CXCL13: variants seen among roughly 807,000 people sequenced by gnomAD.
The protein encoded by CXCL13 is C-X-C motif chemokine 13.
In CXCL13, 7 loss-of-function variants were observed where a neutral mutation model predicts 12.2. The ratio of observed to expected loss-of-function variants is 0.57; its 90% confidence interval spans 0.33 to 1.07. The LOEUF (loss-of-function observed/expected upper bound fraction) is 1.07. Among genes scored for constraint, CXCL13 ranks in the 50% least tolerant of loss-of-function variants. The probability of loss-of-function intolerance (pLI) is 0.04; values close to 1 mark genes in which losing one functional copy is unlikely to be tolerated. For missense variants in CXCL13, 113 were observed against 127.4 expected (o/e 0.89, Z 0.55); for synonymous variants, 47 against 42.4 (o/e 1.11, Z -0.42).
intron 1 of CXCL13, among the ~76,000 whole-genome samples, chr4:77,575,028 T>C (rs1037207441): frequency 2.0e-5 from 3 of 151,948 alleles, no homozygotes; most frequent in African/African-American, 7.3e-5. Context: ...GTGAAAATAT[T>C]GTAAAAATTA....
chr4:77,518,129 C>G (rs1487166347), intron 1 of CXCL13, among the ~76,000 whole-genome samples: 2 of 152,200 alleles, frequency 1.3e-5, no homozygotes, highest in African/African-American at 4.8e-5. Context: ...GGCCCCCACT[C>G]TCTTCTGGCT....
intron 1 of CXCL13, among the ~76,000 whole-genome samples, chr4:77,567,475 A>T (rs1431893458): frequency 6.6e-6 from 1 of 152,358 alleles, no homozygotes; most frequent in East Asian, 1.9e-4. Flanking sequence ...GAGACTTTTC[A>T]CAAAGGGAAG....
Position 77,610,846 on chromosome 4 carries a change from G to A in CXCL13, c.279-142G>A, listed in dbSNP as rs913417882. 3.7e-5 allele frequency: 33 copies of A among 884,204 alleles called. No homozygotes were observed. The African/African-American group carries it at 3.8e-4, about 10-fold the overall frequency. The allele number at this position is 884,204 out of a possible 1,614,324, so 54.8% of individuals were successfully genotyped here. On this transcript the variant is annotated intron_variant, in intron 3 of 3. Coordinates refer to ENST00000682537, the MANE Select transcript of CXCL13 (RefSeq NM_001371558.1). ...CTGTTATTGCTTATCAGATGGAGTAGGGGTAGCTCATTCCAGCAGCTCAGT... is the reference window on the plus strand; with the variant it reads ...CTGTTATTGCTTATCAGATGGAGTAAGGGTAGCTCATTCCAGCAGCTCAGT...
chr4:77,602,175 T>C (rs1412679703), upstream of CXCL13, among the ~76,000 whole-genome samples: 2 of 152,244 alleles, frequency 1.3e-5, no homozygotes, highest in Non-Finnish European at 2.9e-5. Context: ...GATTGTCAGA[T>C]ACTTTGTCCA....
intron 1 of CXCL13, among the ~76,000 whole-genome samples, chr4:77,530,047 T>C (rs974292063): frequency 6.6e-6 from 1 of 152,238 alleles, no homozygotes; most frequent in Admixed American, 6.5e-5. Flanking sequence ...ATGGTTTTTG[T>C]CATTGGTTCT....
At chr4:77,588,939 C>T (rs1026475589) in intron 1 of CXCL13, among the ~76,000 whole-genome samples, 1 of 152,174 alleles carries the variant, frequency 6.6e-6, no homozygotes, top group Admixed American at 6.5e-5. Flanking sequence ...ATGAAAATTA[C>T]CCCCATGGTT....
intron 1 of CXCL13, among the ~76,000 whole-genome samples, chr4:77,591,124 C>A (rs563362830): frequency 1.1e-4 from 17 of 152,182 alleles, no homozygotes; most frequent in Non-Finnish European, 2.4e-4. Flanking sequence ...GTGATCTACC[C>A]GCCTGGGCGT....
At chr4:77,569,460 A>G (rs1726012628) in intron 1 of CXCL13, among the ~76,000 whole-genome samples, 1 of 152,210 alleles carries the variant, frequency 6.6e-6, no homozygotes, top group African/African-American at 2.4e-5. Flanking sequence ...TAGCATTCCT[A>G]TACTCCAACA....
At chr4:77,569,916 C>A (rs1726027289) in intron 1 of CXCL13, among the ~76,000 whole-genome samples, 2 of 152,080 alleles carry the variant, frequency 1.3e-5, no homozygotes, top group Non-Finnish European at 2.9e-5. Flanking sequence ...GGTACTGGTA[C>A]AAAAACAGAC....
At chr4:77,552,418 A>G (rs1454335955) in intron 1 of CXCL13, among the ~76,000 whole-genome samples, 1 of 152,188 alleles carries the variant, frequency 6.6e-6, no homozygotes, top group Non-Finnish European at 1.5e-5. Context: ...AGTTCAAACT[A>G]CAAGCCATAG....
At chr4:77,532,707 T>C (rs1724959585) in intron 1 of CXCL13, among the ~76,000 whole-genome samples, 1 of 152,228 alleles carries the variant, frequency 6.6e-6, no homozygotes, top group Non-Finnish European at 1.5e-5. Context: ...TTTGATCTTT[T>C]CACGTAGTCC....
upstream of CXCL13, among the ~76,000 whole-genome samples, chr4:77,604,430 A>T (rs1726956199): frequency 6.6e-6 from 1 of 152,018 alleles, no homozygotes; most frequent in Admixed American, 6.6e-5. Flanking sequence ...AGAGGACACA[A>T]CTGGCACACC....
At position 77,611,159 on chromosome 4, in the gene CXCL13, A is replaced by G. The variant is rs1727143631; in HGVS notation, c.*120A>G. On this transcript the variant is annotated 3_prime_UTR_variant, in exon 4 of 4. Coordinates refer to ENST00000682537, the MANE Select transcript of CXCL13 (RefSeq NM_001371558.1). ...ACTTCCCCATACAAATAAGCATGAG[A>G]CTATGTAAAAATAACCTTGCAGAAG... 36 of 842,992 alleles carry G rather than the reference A, an allele frequency of 4.3e-5. No individual in the cohort carries two copies. The East Asian group carries it at 8.6e-4, about 20-fold the overall frequency. 52.2% of individuals were successfully genotyped at this position (842,992 alleles called of 1,614,324 possible). A position where few individuals can be genotyped will look rare whatever the true frequency, so the allele number is the denominator to read the frequency against.
intron 1 of CXCL13, among the ~76,000 whole-genome samples, chr4:77,552,611 C>A (rs562814197): frequency 6.6e-6 from 1 of 152,202 alleles, no homozygotes; most frequent in Non-Finnish European, 1.5e-5. Flanking sequence ...CTGGACCAGG[C>A]AGGTCTGGAC....
chr4:77,594,621 C>T (rs551828849), intron 1 of CXCL13, among the ~76,000 whole-genome samples: 1 of 152,318 alleles, frequency 6.6e-6, no homozygotes, highest in Admixed American at 6.5e-5. Context: ...CAGGGGCATA[C>T]TGATGCCAGT....
Position 77,561,938 on chromosome 4 carries a change from A to G in CXCL13, c.-42-43886A>G, listed in dbSNP as rs190916480. 9.3e-3 allele frequency among the ~76,000 whole-genome samples: 1,411 copies of G among 152,260 alleles called. 17 individuals carry two copies. The highest frequency in any genetic ancestry group is 0.032 in the African/African-American group (1,324 of 41,566). On this transcript the variant is annotated intron_variant, in intron 1 of 4. Transcript: ENST00000286758. ...CTGCGCCCAGTGCTTGTGGGCCAGC[A>G]CAAGTTCTGGGTGGGTGTGGGCTTG...
At chr4:77,552,314 G>A (rs946277294) in intron 1 of CXCL13, among the ~76,000 whole-genome samples, 1 of 151,984 alleles carries the variant, frequency 6.6e-6, no homozygotes, top group African/African-American at 2.4e-5. Context: ...GACTTCCTAG[G>A]GAATGTGACT....
At position 77,539,597 on chromosome 4, in the gene CXCL13, G is replaced by T. The variant is rs904376724; in HGVS notation, c.-43+27809G>T. On this transcript the variant is annotated intron_variant, in intron 1 of 4. Transcript: ENST00000286758. ...GGAGTTGTACACATGCTCACTTGAG[G>T]CATTCTTCTTTTACCAGTTGAATGT... Among the ~76,000 whole-genome samples the T allele has an allele frequency of 7.2e-5, 11 of 152,302 alleles. 1 individual carries two copies. Among genetic ancestry groups the T allele is most frequent in the South Asian group, 4.1e-4 (2 of 4,830 alleles).
At chr4:77,610,893 T>C in intron 3 of CXCL13, 95 bp from the exon 4 acceptor site, 1 of 1,108,630 alleles carries the variant, frequency 9.0e-7, no homozygotes, top group Non-Finnish European at 1.4e-6. Context: ...GATGCCAGTA[T>C]ACATAAGAGT....
Sources: allele counts gnomAD v4.1 joint callset (sites outside exome capture counted in the v4.1 genomes callset), GRCh38; gene constraint gnomAD v4.1.1; transcripts MANE v1.5; gene names NCBI Gene and HGNC (gene_info 2026-07-23, HGNC 2026-07-21).